Variants in NIPSNAP1 observed in about 807,000 individuals in gnomAD.
NIPSNAP1 encodes the protein nipsnap homolog 1, also known as protein NipSnap homolog 1.
A neutral mutation model predicts 49.2 loss-of-function variants in NIPSNAP1; 25 were observed. The observed-to-expected ratio is 0.51, with a 90% CI of 0.37 to 0.71. The LOEUF is 0.71. Among genes scored for constraint, NIPSNAP1 ranks in the 30% least tolerant of loss-of-function variants. NIPSNAP1 has a pLI of 0.00. For missense variants in NIPSNAP1, 294 were observed against 361.0 expected (o/e 0.81, Z 1.50); for synonymous variants, 143 against 140.7 (o/e 1.02, Z -0.12).
At chr22:29,559,258 C>T (rs1414658475) in intron 8 of NIPSNAP1, among the ~76,000 whole-genome samples, 17 of 151,890 alleles carry the variant, frequency 1.1e-4, no homozygotes, top group African/African-American at 3.9e-4. Flanking sequence ...TTAACACTTC[C>T]GGCTAGGTGC....
At position 29,558,940 on chromosome 22, in the gene NIPSNAP1, C is replaced by T; in HGVS notation, c.720G>A (p.Leu240=). The change falls in exon 9 of 10, where the codon CTG becomes CTA. Residue 240 remains leucine, a synonymous_variant. Coordinates refer to ENST00000216121, the MANE Select transcript of NIPSNAP1 (RefSeq NM_003634.4). The part of the protein sequence containing the change: ...VVHHLWAYKD[L]QSREETRNAA... ...CGTTTCGAGTCTCCTCCCGAGACTG[C>T]AGGTCTTTATAGGCTGTGAGAAAGG... 1 of 1,613,272 alleles carries T rather than the reference C, an allele frequency of 6.2e-7. No individual in the cohort carries two copies. The highest frequency in any genetic ancestry group is 1.7e-5 in the Admixed American group (1 of 60,004).
At chr22:29,569,314 G>C (rs764219000) in intron 3 of NIPSNAP1, 27 bp from the exon 4 acceptor site, 6 of 1,567,594 alleles carry the variant, frequency 3.8e-6, no homozygotes, top group Admixed American at 1.7e-5. Context: ...GAGAGGGGCA[G>C]GGTTCACATA....
intron 1 of NIPSNAP1, among the ~76,000 whole-genome samples, chr22:29,575,536 A>G (rs534228710): frequency 4.3e-4 from 65 of 152,142 alleles, no homozygotes; most frequent in Non-Finnish European, 9.0e-4. Context: ...TTCTCAGTGA[A>G]ATTACAATGT....
chr22:29,567,549 TG>T (rs2064376270), intron 4 of NIPSNAP1, among the ~76,000 whole-genome samples: 4 of 152,216 alleles, frequency 2.6e-5, no homozygotes, highest in Middle Eastern at 3.4e-3. Context: ...GTGACATCTA[TG>T]CCAAAATAGA....
At chr22:29,576,209 G>A (rs187525785) in intron 1 of NIPSNAP1, among the ~76,000 whole-genome samples, 4 of 150,434 alleles carry the variant, frequency 2.7e-5, no homozygotes. Flanking sequence ...TAGTAGAGAC[G>A]GGGTTTCACC....
intron 4 of NIPSNAP1, among the ~76,000 whole-genome samples, chr22:29,562,262 G>A (rs2064341121): frequency 6.6e-6 from 1 of 152,166 alleles, no homozygotes; most frequent in South Asian, 2.1e-4. Context: ...AAAGAACAGG[G>A]GAGAACTGAT....
At chr22:29,558,047 G>A (rs2064308360) in intron 9 of NIPSNAP1, among the ~76,000 whole-genome samples, 1 of 152,176 alleles carries the variant, frequency 6.6e-6, no homozygotes, top group Non-Finnish European at 1.5e-5. Flanking sequence ...AGGACTGCTT[G>A]AGCCCAGGAG....
At chr22:29,559,079 C>A in intron 8 of NIPSNAP1, 126 bp from the exon 9 acceptor site, 1 of 735,308 alleles carries the variant, frequency 1.4e-6, no homozygotes, top group South Asian at 1.4e-5. Context: ...ATGCCTCCCT[C>A]AGACTATTAG....
At chr22:29,559,981 T>C (rs1445043978) in intron 8 of NIPSNAP1, among the ~76,000 whole-genome samples, 6 of 152,190 alleles carry the variant, frequency 3.9e-5, no homozygotes, top group Admixed American at 3.9e-4. Context: ...CCCCCTCTCC[T>C]GTTCCATCTC....
intron 4 of NIPSNAP1, among the ~76,000 whole-genome samples, chr22:29,562,631 C>T (rs775559920): frequency 1.3e-5 from 2 of 151,734 alleles, no homozygotes; most frequent in East Asian, 1.9e-4. Context: ...GCAGAGGTGG[C>T]GGTGAGCCAA....
At chr22:29,572,575 G>A (rs1016375198) in intron 1 of NIPSNAP1, among the ~76,000 whole-genome samples, 1 of 152,078 alleles carries the variant, frequency 6.6e-6, no homozygotes, top group Non-Finnish European at 1.5e-5. Context: ...TTGGGAGGCT[G>A]AGGCAGGAGG....
intron 7 of NIPSNAP1, 149 bp from the exon 8 acceptor site, chr22:29,560,977 C>T (rs1260244193): frequency 2.2e-6 from 2 of 904,086 alleles, no homozygotes; most frequent in Non-Finnish European, 3.5e-6. Context: ...GCGGGGTGTT[C>T]TACCAACGGA....
chr22:29,578,802 A>AG lies in NIPSNAP1; in HGVS notation c.98+2182dup, dbSNP rs2064474787. Among the ~76,000 whole-genome samples the AG allele has an allele frequency of 8.6e-5, 13 of 151,378 alleles. No homozygotes were observed. In the South Asian group the frequency reaches 2.7e-3, roughly 31 times the overall value. On this transcript the variant is annotated intron_variant, in intron 1 of 9. Coordinates refer to ENST00000216121, the MANE Select transcript of NIPSNAP1 (RefSeq NM_003634.4). ...GCAACTCATCCAGGGTCACTGAGTG[A>AG]GGGGCAGCAGGCTGACTCTGAGACC... is the stretch of plus-strand genomic sequence containing the variant.
Position 29,581,037 on chromosome 22 carries a change from G to A in NIPSNAP1, c.46C>T (p.Leu16=), listed in dbSNP as rs1172500326. The A allele has an allele frequency of 1.3e-6, 2 of 1,538,540 alleles. No homozygotes were observed. The highest frequency in any genetic ancestry group is 1.2e-5 in the South Asian group (1 of 83,790). ...CSISVTARRL[L]GGPGPRAGDV... The stretch of plus-strand genomic sequence containing the variant: ...CCAGCGCGAGGCCCCGGGCCCCCCA[G>A]CAGCCGCCGCGCCGTCACAGAGATG... Residue 16 remains leucine (L), a synonymous_variant, in exon 1 of 10, where the codon CTG becomes TTG. Transcript: ENST00000216121.
intron 4 of NIPSNAP1, among the ~76,000 whole-genome samples, chr22:29,568,522 G>A (rs1430506176): frequency 2.0e-5 from 3 of 151,570 alleles, no homozygotes; most frequent in African/African-American, 7.3e-5. Flanking sequence ...GCCGGGTGCG[G>A]TGGCTCACAC....
intron 1 of NIPSNAP1, among the ~76,000 whole-genome samples, chr22:29,572,697 G>A (rs1315109564): frequency 6.6e-6 from 1 of 152,032 alleles, no homozygotes; most frequent in African/African-American, 2.4e-5. Context: ...TACTTGGGAG[G>A]CTGAGGTGGT....
At position 29,555,635 on chromosome 22, in the gene NIPSNAP1, C is replaced by A. The variant is rs2064287995; in HGVS notation, c.*300G>T. 1.0e-5 allele frequency: 4 copies of A among 388,324 alleles called. No homozygotes were observed. Among genetic ancestry groups the A allele is most frequent in the African/African-American group, 8.3e-5 (4 of 48,420 alleles). The allele number at this position is 388,324 out of a possible 1,614,324, so 24.1% of individuals were successfully genotyped here. ...AGGGTGATAACTGGGGACTGGTGGC[C>A]TTGAGATGAGGAATTTTAGAAGATA... On this transcript the variant is annotated 3_prime_UTR_variant, in exon 10 of 10. Transcript: ENST00000216121.
rs916688190 is a variant in NIPSNAP1 at position 29,561,947 on chromosome 22, G to C, written c.368-85C>G. On this transcript the variant is annotated intron_variant, in intron 4 of 9. Transcript: ENST00000216121. ...TCAAGGTTGGCTAAGTGGTGGGGAC[G>C]GGGGAGGCGGGGTGGCCTGGTTCCC... The C allele has an allele frequency of 9.0e-6, 11 of 1,221,210 alleles. No homozygotes were observed. The African/African-American group carries it at 1.3e-4, about 15-fold the overall frequency. 75.6% of individuals were successfully genotyped at this position (1,221,210 alleles called of 1,614,324 possible).
chr22:29,562,400 C>T (rs578203274), intron 4 of NIPSNAP1, among the ~76,000 whole-genome samples: 1 of 152,318 alleles, frequency 6.6e-6, no homozygotes, highest in East Asian at 1.9e-4. Context: ...TTATGCATCA[C>T]CTCTTAATGG....
Sources: allele counts gnomAD v4.1 joint callset (sites outside exome capture counted in the v4.1 genomes callset), GRCh38; gene constraint gnomAD v4.1.1; transcripts MANE v1.5; gene names NCBI Gene and HGNC (gene_info 2026-07-23, HGNC 2026-07-21).